The following ST6GALNAC3 variants were observed in gnomAD, a reference collection of about 807,000 sequenced individuals.
ST6GALNAC3 encodes the protein alpha-N-acetylgalactosaminide alpha-2,6-sialyltransferase 3.
A neutral mutation model predicts 32.7 loss-of-function variants in ST6GALNAC3; 25 were observed. The ratio of observed to expected loss-of-function variants is 0.76; its 90% CI spans 0.56 to 1.07. ST6GALNAC3 has a LOEUF of 1.07. Ranked by LOEUF, ST6GALNAC3 falls within the 50% of genes least tolerant of loss-of-function variation. The pLI, the probability that ST6GALNAC3 is intolerant of heterozygous loss-of-function variation, is 0.00. For synonymous variants in ST6GALNAC3, 129 were observed against 133.1 expected (o/e 0.97, Z 0.21); for missense variants, 355 against 382.4 (o/e 0.93, Z 0.60).
chr1:76,590,032 C>G (rs978241579), intron 3 of ST6GALNAC3, among the ~76,000 whole-genome samples: 6 of 152,096 alleles, frequency 3.9e-5, no homozygotes, highest in African/African-American at 1.4e-4. Flanking sequence ...TTAATTCTGG[C>G]CAGGTTCAAT....
At chr1:76,418,217 G>A (rs545158145) in intron 3 of ST6GALNAC3, among the ~76,000 whole-genome samples, 3 of 152,208 alleles carry the variant, frequency 2.0e-5, no homozygotes, top group South Asian at 4.2e-4. Flanking sequence ...GTGGTCAAGT[G>A]TAGAGATGAA....
chr1:76,606,250 A>G (rs1570430352), intron 3 of ST6GALNAC3, among the ~76,000 whole-genome samples: 1 of 152,318 alleles, frequency 6.6e-6, no homozygotes, highest in Admixed American at 6.5e-5. Flanking sequence ...TATTCTTTAT[A>G]AAGATAGAGG....
intron 1 of ST6GALNAC3, among the ~76,000 whole-genome samples, chr1:76,304,855 G>A (rs1660948081): frequency 6.6e-6 from 1 of 152,024 alleles, no homozygotes; most frequent in African/African-American, 2.4e-5. Flanking sequence ...TCTGTGTCCT[G>A]AACACCTTGG....
intron 1 of ST6GALNAC3, among the ~76,000 whole-genome samples, chr1:76,140,867 G>A (rs1410124432): frequency 6.8e-6 from 1 of 148,110 alleles, no homozygotes; most frequent in African/African-American, 2.5e-5. Context: ...CAAACTCCTG[G>A]CTTAAAGTAA....
chr1:76,594,899 C>T (rs1452842719), intron 3 of ST6GALNAC3, among the ~76,000 whole-genome samples: 26 of 152,210 alleles, frequency 1.7e-4, no homozygotes, highest in Admixed American at 1.6e-3. Context: ...TAGTGTTGCA[C>T]TGTATCCCAC....
At chr1:76,271,059 C>G (rs1020316296) in intron 1 of ST6GALNAC3, among the ~76,000 whole-genome samples, 1 of 152,202 alleles carries the variant, frequency 6.6e-6, no homozygotes, top group Non-Finnish European at 1.5e-5. Context: ...GCATTTGGGA[C>G]TGGCTGCCTT....
At chr1:76,452,225 G>T (rs1657458155) in intron 3 of ST6GALNAC3, among the ~76,000 whole-genome samples, 2 of 152,158 alleles carry the variant, frequency 1.3e-5, no homozygotes, top group Admixed American at 1.3e-4. Context: ...GCTTTATAAG[G>T]TGGAGTTTCC....
intron 1 of ST6GALNAC3, among the ~76,000 whole-genome samples, chr1:76,174,952 C>A (rs1414581233): frequency 6.6e-6 from 1 of 152,066 alleles, no homozygotes; most frequent in Non-Finnish European, 1.5e-5. Flanking sequence ...ACAGGCATGA[C>A]CAACTGCACT....
intron 1 of ST6GALNAC3, among the ~76,000 whole-genome samples, chr1:76,155,720 A>G (rs1436642655): frequency 1.3e-5 from 2 of 151,428 alleles, no homozygotes; most frequent in African/African-American, 4.9e-5. Flanking sequence ...CTCGTGATCC[A>G]CCTGCCTTGG....
In ST6GALNAC3 at chr1:76,629,108, A is replaced by C; in HGVS notation, c.*302A>C. On this transcript the variant is annotated 3_prime_UTR_variant, in exon 5 of 5. Transcript: ENST00000328299. ...CAACTGTGACCTAAGAAATGGGAAG[A>C]TTATCTTTCAAGATAGCTGCCTAGA... 9.0e-7 allele frequency: 1 copy of C among 1,111,642 alleles called. No homozygotes were observed. Among genetic ancestry groups the C allele is most frequent in the Admixed American group, 5.3e-5 (1 of 18,746 alleles). 68.9% of individuals were successfully genotyped at this position (1,111,642 alleles called of 1,614,324 possible).
intron 3 of ST6GALNAC3, among the ~76,000 whole-genome samples, chr1:76,568,047 C>T (rs1304396853): frequency 1.3e-5 from 2 of 152,202 alleles, no homozygotes. Flanking sequence ...ACACTTTAAA[C>T]TTAAGATGGG....
intron 3 of ST6GALNAC3, among the ~76,000 whole-genome samples, chr1:76,456,520 C>A (rs1657814114): frequency 6.6e-6 from 1 of 151,830 alleles, no homozygotes; most frequent in African/African-American, 2.4e-5. Flanking sequence ...ATAGATATTT[C>A]TTTTAAGTTT....
intron 3 of ST6GALNAC3, among the ~76,000 whole-genome samples, chr1:76,571,537 T>G (rs1311292059): frequency 6.6e-6 from 1 of 152,162 alleles, no homozygotes; most frequent in Non-Finnish European, 1.5e-5. Context: ...ATTCTTCACC[T>G]CAATTAACCT....
At chr1:76,084,296 T>C (rs915210389) in intron 1 of ST6GALNAC3, among the ~76,000 whole-genome samples, 1 of 152,230 alleles carries the variant, frequency 6.6e-6, no homozygotes, top group African/African-American at 2.4e-5. Flanking sequence ...GAGCGTTTGA[T>C]GAGCCCTTGA....
chr1:76,281,153 C>A (rs12079387), intron 1 of ST6GALNAC3, among the ~76,000 whole-genome samples: 378 of 152,116 alleles, frequency 2.5e-3, no homozygotes, highest in Non-Finnish European at 3.5e-3. Flanking sequence ...ATTTTTGTGC[C>A]GACACCTTAA....
intron 1 of ST6GALNAC3, among the ~76,000 whole-genome samples, chr1:76,229,382 A>G (rs148692404): frequency 1.3e-5 from 2 of 152,230 alleles, no homozygotes; most frequent in Non-Finnish European, 2.9e-5. Context: ...AGGATGCCCC[A>G]CTTCCTGTTA....
At chr1:76,319,306 G>A (rs943515047) in intron 2 of ST6GALNAC3, among the ~76,000 whole-genome samples, 4 of 152,054 alleles carry the variant, frequency 2.6e-5, no homozygotes, top group Admixed American at 1.3e-4. Flanking sequence ...TGACTTACTC[G>A]ACAATTTAAT....
chr1:76,607,867 G>C (rs1647665754), intron 3 of ST6GALNAC3, among the ~76,000 whole-genome samples: 1 of 152,116 alleles, frequency 6.6e-6, no homozygotes, highest in Non-Finnish European at 1.5e-5. Flanking sequence ...CAGCAGTCCT[G>C]TACATTATAT....
At chr1:76,622,361 G>A (rs567550480) in intron 3 of ST6GALNAC3, among the ~76,000 whole-genome samples, 4 of 151,886 alleles carry the variant, frequency 2.6e-5, no homozygotes, top group Non-Finnish European at 4.4e-5. Flanking sequence ...TAAGATAATG[G>A]GTTTAGATGG....
Sources: allele counts gnomAD v4.1 joint callset (sites outside exome capture counted in the v4.1 genomes callset), GRCh38; gene constraint gnomAD v4.1.1; transcripts MANE v1.5; gene names NCBI Gene and HGNC (gene_info 2026-07-23, HGNC 2026-07-21).